The following ROBO2 variants were observed in gnomAD, a reference collection of about 807,000 sequenced individuals.
The protein encoded by ROBO2 is roundabout guidance receptor 2.
In ROBO2, 53 loss-of-function variants were observed where a neutral mutation model predicts 160.8. That is an observed-to-expected ratio of 0.33 (90% CI 0.26 to 0.41). ROBO2 has a LOEUF of 0.41. ROBO2 is among the 10% of genes least tolerant of loss of function. ROBO2 has a pLI of 1.00. For missense variants in ROBO2, 1,577 were observed against 1,722.4 expected, an observed-to-expected ratio of 0.92 and a Z score of 1.49; for synonymous variants, 664 against 611.7, an observed-to-expected ratio of 1.09 and a Z score of -1.26.
At chr3:76,427,450 C>G (rs188225506) in intron 2 of ROBO2, among the ~76,000 whole-genome samples, 4 of 152,158 alleles carry the variant, frequency 2.6e-5, no homozygotes, top group Admixed American at 2.6e-4. Context: ...ATTTTGAAGA[C>G]TACTACAAAT....
chr3:77,198,680 C>T (rs906984995), intron 2 of ROBO2, among the ~76,000 whole-genome samples: 2 of 152,154 alleles, frequency 1.3e-5, no homozygotes, highest in Admixed American at 6.5e-5. Flanking sequence ...GTGGGCGGAT[C>T]ATCTGAGGTC....
At chr3:77,519,636 C>T (rs1297021283) in intron 5 of ROBO2, among the ~76,000 whole-genome samples, 1 of 151,362 alleles carries the variant, frequency 6.6e-6, no homozygotes, top group Non-Finnish European at 1.5e-5. Flanking sequence ...GTGTAGTATT[C>T]CATGGTATAT....
intron 2 of ROBO2, among the ~76,000 whole-genome samples, chr3:76,456,983 T>G (rs1413950943): frequency 6.6e-6 from 1 of 152,146 alleles, no homozygotes; most frequent in Non-Finnish European, 1.5e-5. Flanking sequence ...TGTGGGTTCC[T>G]CCCATAACAT....
intron 16 of ROBO2, among the ~76,000 whole-genome samples, chr3:77,581,508 G>A (rs1038197472): frequency 2.6e-5 from 4 of 151,974 alleles, no homozygotes; most frequent in Non-Finnish European, 5.9e-5. Flanking sequence ...ATTTCCATAT[G>A]TTTTTCTTTC....
chr3:77,111,816 T>A (rs764866443), intron 2 of ROBO2, among the ~76,000 whole-genome samples: 3 of 152,182 alleles, frequency 2.0e-5, no homozygotes, highest in Non-Finnish European at 4.4e-5. Flanking sequence ...AATAAAGAGA[T>A]GCAATGCGTC....
At chr3:77,463,043 G>C (rs2082402058) in intron 2 of ROBO2, among the ~76,000 whole-genome samples, 1 of 152,064 alleles carries the variant, frequency 6.6e-6, no homozygotes, top group Non-Finnish European at 1.5e-5. Context: ...TTTGAGTTAG[G>C]TATGGTAACT....
intron 2 of ROBO2, among the ~76,000 whole-genome samples, chr3:76,146,881 C>G (rs916143131): frequency 1.3e-5 from 2 of 149,762 alleles, no homozygotes; most frequent in Non-Finnish European, 3.0e-5. Context: ...CACACTCACA[C>G]ACACACAAAC....
chr3:77,644,761 C>A lies in ROBO2; in HGVS notation c.3992C>A (p.Ser1331Ter). 1 of 1,614,024 alleles carries A rather than the reference C, an allele frequency of 6.2e-7. No homozygotes were observed. Residue 1331 changes from serine (S) to a stop codon, truncating the protein, a stop_gained, in exon 25 of 26, where the codon TCA (serine) becomes TAA (stop). Transcript: ENST00000461745. LOFTEE classifies it high-confidence loss of function. Reference sequence around the variant, plus strand: ...TTCCCATCTCCAGGTGGCCACAGCTCATCAGGAACAGCTTCTTCTAAGGGA... The same window carrying A: ...TTCCCATCTCCAGGTGGCCACAGCTAATCAGGAACAGCTTCTTCTAAGGGA...
intron 2 of ROBO2, among the ~76,000 whole-genome samples, chr3:76,484,374 A>G (rs1372122649): frequency 2.0e-5 from 3 of 152,176 alleles, no homozygotes; most frequent in East Asian, 3.9e-4. Flanking sequence ...TTTAAAAAAT[A>G]AGAAAAAAAC....
chr3:76,391,440 G>A (rs1285321952), intron 2 of ROBO2, among the ~76,000 whole-genome samples: 1 of 152,044 alleles, frequency 6.6e-6, no homozygotes, highest in Non-Finnish European at 1.5e-5. Context: ...CTCATACAAT[G>A]TGTTTCTAGT....
At chr3:76,242,827 T>C (rs1037703992) in intron 2 of ROBO2, among the ~76,000 whole-genome samples, 17 of 152,148 alleles carry the variant, frequency 1.1e-4, no homozygotes, top group Admixed American at 2.6e-4. Flanking sequence ...GAAGCCGCAG[T>C]GACCCGTGAT....
chr3:76,957,853 A>C (rs1187883169), intron 2 of ROBO2, among the ~76,000 whole-genome samples: 1 of 152,050 alleles, frequency 6.6e-6, no homozygotes, highest in Non-Finnish European at 1.5e-5. Context: ...AAAGTGATAA[A>C]ATTTAACTCT....
chr3:77,277,136 TCTTC>T (rs2059885841), intron 2 of ROBO2, among the ~76,000 whole-genome samples: 1 of 124,044 alleles, frequency 8.1e-6, no homozygotes, highest in East Asian at 2.6e-4. Flanking sequence ...TTCCTTCCTT[TCTTC>T]CTTCTTTCCT....
chr3:77,566,472 A>G (rs73114562), intron 12 of ROBO2, among the ~76,000 whole-genome samples: 1 of 152,242 alleles, frequency 6.6e-6, no homozygotes, highest in Non-Finnish European at 1.5e-5. Context: ...TGAACTTAAA[A>G]TGGAAAATGT....
intron 2 of ROBO2, among the ~76,000 whole-genome samples, chr3:76,406,690 C>T (rs1324693002): frequency 2.6e-5 from 4 of 151,806 alleles, no homozygotes; most frequent in African/African-American, 9.7e-5. Flanking sequence ...TTTCTTTATT[C>T]TACTACTTGT....
intron 2 of ROBO2, among the ~76,000 whole-genome samples, chr3:76,652,005 T>C (rs1365079142): frequency 6.6e-6 from 1 of 152,198 alleles, no homozygotes; most frequent in African/African-American, 2.4e-5. Context: ...TGTCGCTCCC[T>C]GCAGGATATC....
chr3:76,522,335 C>T (rs946150993), intron 2 of ROBO2, among the ~76,000 whole-genome samples: 7 of 152,060 alleles, frequency 4.6e-5, no homozygotes, highest in East Asian at 1.9e-4. Flanking sequence ...TGGGATTATT[C>T]GCCCCACTGC....
chr3:76,117,706 A>G (rs2070535276), intron 2 of ROBO2, among the ~76,000 whole-genome samples: 1 of 152,278 alleles, frequency 6.6e-6, no homozygotes, highest in African/African-American at 2.4e-5. Context: ...ATTTAACATA[A>G]TCAAATTCTA....
intron 2 of ROBO2, among the ~76,000 whole-genome samples, chr3:77,314,293 C>T (rs1032817109): frequency 2.0e-5 from 3 of 152,166 alleles, no homozygotes; most frequent in Non-Finnish European, 4.4e-5. Flanking sequence ...ATTTAGGTTC[C>T]ATTGCTACCA....
Sources: gnomAD v4.1 joint callset for allele counts (sites outside exome capture counted in the v4.1 genomes callset) on GRCh38, gnomAD v4.1.1 for gene constraint, MANE v1.5 for transcripts, NCBI Gene and HGNC (gene_info 2026-07-23, HGNC 2026-07-21) for gene names.